Variants in SRRM3 observed in about 807,000 individuals in gnomAD.
SRRM3 encodes the protein serine/arginine repetitive matrix 3.
SRRM3 carries 27 observed loss-of-function variants against 66.2 expected under a neutral mutation model. The observed-to-expected ratio is 0.41, with a 90% confidence interval of 0.30 to 0.56. The LOEUF is 0.56. SRRM3 is among the 20% of genes least tolerant of loss of function. SRRM3 has a pLI of 0.32. For missense variants in SRRM3, 918 were observed against 991.9 expected (o/e 0.93, Z 1.00); for synonymous variants, 391 against 414.9 (o/e 0.94, Z 0.70).
intron 3 of SRRM3, among the ~76,000 whole-genome samples, chr7:76,258,411 G>A (rs1211077345): frequency 1.3e-5 from 2 of 152,062 alleles, no homozygotes; most frequent in Non-Finnish European, 2.9e-5. Context: ...AGGAGGAAGG[G>A]GCTCTTTAAG....
At chr7:76,276,339 G>A (rs891362977) in intron 11 of SRRM3, among the ~76,000 whole-genome samples, 2 of 152,112 alleles carry the variant, frequency 1.3e-5, no homozygotes, top group African/African-American at 2.4e-5. Context: ...GATGGAGGAC[G>A]GACGAAGACC....
At chr7:76,209,736 C>CT (rs1800384325) in intron 1 of SRRM3, among the ~76,000 whole-genome samples, 2 of 151,798 alleles carry the variant, frequency 1.3e-5, no homozygotes, top group Non-Finnish European at 2.9e-5. Flanking sequence ...TTCCAAGTGG[C>CT]TGGGACGACA....
Position 76,285,642 on chromosome 7 carries a change from C to T in SRRM3, c.1761C>T (p.Tyr587=). The change falls in exon 15 of 15, where the codon TAC becomes TAT. Residue 587 remains tyrosine (Y), a synonymous_variant. Transcript: ENST00000611745. The surrounding 1 kb of genome is among the most constrained non-coding windows in gnomAD (Gnocchi z 4.1). ...TSARKRPIPY[Y]RPSPSSSSSC... ...CCCGCAAGCGTCCTATTCCATACTACCGGCCCAGCCCCTCTTCCTCCTCCA... is the reference window on the plus strand; with the variant it reads ...CCCGCAAGCGTCCTATTCCATACTATCGGCCCAGCCCCTCTTCCTCCTCCA... 1 of 1,550,970 alleles carries T rather than the reference C, an allele frequency of 6.4e-7. No homozygotes were observed. The highest frequency in any genetic ancestry group is 1.2e-5 in the South Asian group (1 of 84,030).
intron 3 of SRRM3, among the ~76,000 whole-genome samples, chr7:76,249,427 C>A (rs77256288): frequency 6.6e-6 from 1 of 151,778 alleles, no homozygotes; most frequent in Non-Finnish European, 1.5e-5. Context: ...ACGCCTCTGC[C>A]GCCTGTCACA....
chr7:76,222,568 C>A (rs543896049), intron 1 of SRRM3, among the ~76,000 whole-genome samples: 1 of 152,104 alleles, frequency 6.6e-6, no homozygotes, highest in South Asian at 2.1e-4. Context: ...GCCCTCCCTC[C>A]CCTCCTGGCT....
At chr7:76,254,188 G>GTTT (rs1257203359) in intron 3 of SRRM3, among the ~76,000 whole-genome samples, 1 of 143,700 alleles carries the variant, frequency 7.0e-6, no homozygotes, top group Non-Finnish European at 1.5e-5. Context: ...TGTTTTTTGG[G>GTTT]TTTTTTTTTT....
chr7:76,281,091 ACT>A lies in SRRM3; in HGVS notation c.1009-347_1009-346del, dbSNP rs1232459666. Among the ~76,000 whole-genome samples the A allele has an allele frequency of 1.3e-4, 14 of 107,154 alleles. 1 individual carries two copies. In the South Asian group the frequency reaches 1.5e-3, roughly 11 times the overall value. 70.3% of individuals were successfully genotyped at this position (107,154 alleles called of 152,430 possible). On this transcript the variant is annotated intron_variant, in intron 11 of 14. Transcript: ENST00000611745. ...TCTCTTTCTCATCTCTCTCCCTCTC[ACT>A]CTGTCTCTCTCCTGCTCTTTTTCTC...
chr7:76,254,792 T>TG (rs1189612638), intron 3 of SRRM3, among the ~76,000 whole-genome samples: 18 of 152,048 alleles, frequency 1.2e-4, no homozygotes, highest in African/African-American at 4.3e-4. Flanking sequence ...GTAGGGGTAA[T>TG]GGGCCCTGGA....
rs1554612220 is a variant in SRRM3, at chr7:76,282,986, G to T, written c.1618G>T (p.Ala540Ser). ...CAGGGACAAGGACGGCGAGGGCCGC[G>T]CAAGGCACTCTGAGGCCGAGGCCAC... ...LSRDKDGEGR[A>S]RHSEAEATRA... The change falls in exon 14 of 15, where the codon GCA (alanine) becomes TCA (serine). Residue 540 changes from alanine to serine, a missense_variant. Coordinates refer to ENST00000611745, the MANE Select transcript of SRRM3 (RefSeq NM_001110199.3). 3.5e-6 allele frequency: 5 copies of T among 1,437,728 alleles called. No homozygotes were observed. The highest frequency in any genetic ancestry group is 2.8e-5 in the Admixed American group (1 of 35,886). 89.1% of individuals were successfully genotyped at this position (1,437,728 alleles called of 1,614,324 possible). A position where few individuals can be genotyped will look rare whatever the true frequency, so the allele number is the denominator to read the frequency against.
At chr7:76,253,395 G>A (rs1433859096) in intron 3 of SRRM3, among the ~76,000 whole-genome samples, 1 of 152,020 alleles carries the variant, frequency 6.6e-6, no homozygotes, top group Non-Finnish European at 1.5e-5. Context: ...GCTGAGGCAG[G>A]TGGATCATGA....
At chr7:76,267,178 G>C (rs782776696) in intron 10 of SRRM3, 80 bp from the exon 11 acceptor site, 9 of 1,291,164 alleles carry the variant, frequency 7.0e-6, no homozygotes, top group Non-Finnish European at 9.2e-6. Flanking sequence ...TGCTGGGGAA[G>C]GGGGAAAGAG....
At chr7:76,250,380 C>T (rs1801547433) in intron 3 of SRRM3, among the ~76,000 whole-genome samples, 1 of 152,130 alleles carries the variant, frequency 6.6e-6, no homozygotes, top group South Asian at 2.1e-4. Context: ...TGCAGGCGCC[C>T]ACCATGACGC....
intron 1 of SRRM3, among the ~76,000 whole-genome samples, chr7:76,221,357 C>CTTTTTTTTTT (rs1800712749): frequency 8.5e-6 from 1 of 117,776 alleles, no homozygotes; most frequent in African/African-American, 4.3e-5. Flanking sequence ...GCCTGCCCTC[C>CTTTTTTTTTT]TCTTTTTTTT....
At chr7:76,241,599 G>A (rs1554605641) in intron 2 of SRRM3, among the ~76,000 whole-genome samples, 1 of 152,162 alleles carries the variant, frequency 6.6e-6, no homozygotes, top group Non-Finnish European at 1.5e-5. Context: ...TGTCTCCTGG[G>A]TTCAAGTGAT....
chr7:76,209,038 G>A (rs1554601451), intron 1 of SRRM3, among the ~76,000 whole-genome samples: 1 of 152,136 alleles, frequency 6.6e-6, no homozygotes, highest in East Asian at 1.9e-4. Context: ...AGTCAAGGCT[G>A]CAACGAGCTA....
At chr7:76,206,476 G>T (rs1037451441) in intron 1 of SRRM3, among the ~76,000 whole-genome samples, 2 of 151,742 alleles carry the variant, frequency 1.3e-5, no homozygotes, top group African/African-American at 4.8e-5. Context: ...GCCTGGCCCA[G>T]CCTAGGCCTT....
At chr7:76,243,669 GC>G (rs1370492743) in intron 2 of SRRM3, among the ~76,000 whole-genome samples, 1 of 152,110 alleles carries the variant, frequency 6.6e-6, no homozygotes, top group East Asian at 1.9e-4. Context: ...CCCCCTGCCA[GC>G]CCCCCACAAG....
At chr7:76,222,643 A>G (rs1554603328) in intron 1 of SRRM3, among the ~76,000 whole-genome samples, 1 of 151,600 alleles carries the variant, frequency 6.6e-6, no homozygotes. Flanking sequence ...ATTTTTTGAG[A>G]TGGAGTCTCC....
At chr7:76,210,191 C>G (rs1251226735) in intron 1 of SRRM3, among the ~76,000 whole-genome samples, 1 of 152,188 alleles carries the variant, frequency 6.6e-6, no homozygotes, top group African/African-American at 2.4e-5. Flanking sequence ...GATGGCACAG[C>G]CCTTGGTATC....
Sources: gnomAD v4.1 joint callset for allele counts (sites outside exome capture counted in the v4.1 genomes callset) on GRCh38, gnomAD v4.1.1 for gene constraint, Gnocchi (gnomAD v3.1) non-coding constraint, MANE v1.5 for transcripts, NCBI Gene and HGNC (gene_info 2026-07-23, HGNC 2026-07-21) for gene names.